REDIC1: variants seen among roughly 807,000 people sequenced by gnomAD.
REDIC1 encodes the protein regulator of DNA class I crossover intermediates 1.
At chr12:39,873,057 T>C in the REDIC1 span, among the ~76,000 whole-genome samples, 2 of 152,240 alleles carry the variant, frequency 1.3e-5, no homozygotes, top group East Asian at 3.8e-4. Flanking sequence ...CAATGGCTTC[T>C]GTCTACTATT....
the REDIC1 span, among the ~76,000 whole-genome samples, chr12:39,903,832 G>A: frequency 6.6e-6 from 1 of 152,068 alleles, no homozygotes; most frequent in African/African-American, 2.4e-5. Context: ...AAACTAATGG[G>A]TAGGAAAAGA....
chr12:39,869,040 G>C, the REDIC1 span, among the ~76,000 whole-genome samples: 1 of 152,014 alleles, frequency 6.6e-6, no homozygotes, highest in African/African-American at 2.4e-5. Context: ...TGAATCAAAG[G>C]TTAAAAATTC....
At chr12:39,673,920 A>C in the REDIC1 span, among the ~76,000 whole-genome samples, 1 of 152,200 alleles carries the variant, frequency 6.6e-6, no homozygotes, top group Non-Finnish European at 1.5e-5. Flanking sequence ...GGACACATTA[A>C]ATATTTGTTG....
chr12:39,725,880 T>G, the REDIC1 span, among the ~76,000 whole-genome samples: 1 of 151,310 alleles, frequency 6.6e-6, no homozygotes, highest in East Asian at 1.9e-4. Flanking sequence ...GTCTGAGGGG[T>G]GTGTGTGTGT....
chr12:39,901,022 A>G, the REDIC1 span, among the ~76,000 whole-genome samples: 1 of 152,214 alleles, frequency 6.6e-6, no homozygotes, highest in Non-Finnish European at 1.5e-5. Context: ...CAGAGCCCTC[A>G]GAAATAACAC....
the REDIC1 span, chr12:39,757,648 A>T: frequency 6.6e-6 from 1 of 152,018 alleles, no homozygotes; most frequent in Non-Finnish European, 1.5e-5. Context: ...AGTCCTTTAA[A>T]GTAGGGGCTC....
At chr12:39,692,275 T>A in the REDIC1 span, 3 of 619,954 alleles carry the variant, frequency 4.8e-6, no homozygotes, top group Admixed American at 4.2e-5. Flanking sequence ...TACTTTTATA[T>A]TTTATTAAAT....
At chr12:39,777,019 T>C in the REDIC1 span, among the ~76,000 whole-genome samples, 16 of 152,336 alleles carry the variant, frequency 1.1e-4, no homozygotes, top group East Asian at 1.3e-3. Flanking sequence ...GGAGGTAATA[T>C]ATTAATACTT....
At chr12:39,711,201 C>G in the REDIC1 span, among the ~76,000 whole-genome samples, 1 of 150,390 alleles carries the variant, frequency 6.6e-6, no homozygotes. Flanking sequence ...TAATTCCTTC[C>G]TTTTTATGGC....
At chr12:39,883,151 T>G in the REDIC1 span, among the ~76,000 whole-genome samples, 1 of 152,136 alleles carries the variant, frequency 6.6e-6, no homozygotes, top group Admixed American at 6.6e-5. Context: ...TTTAATCTCT[T>G]TAATAATTAT....
At chr12:39,704,021 G>T in the REDIC1 span, among the ~76,000 whole-genome samples, 1 of 151,308 alleles carries the variant, frequency 6.6e-6, no homozygotes, top group Non-Finnish European at 1.5e-5. Context: ...CATGGGCAAG[G>T]TCATGTCTAA....
chr12:39,712,437 CGTATATGTATACATACGTATAT>C, the REDIC1 span, among the ~76,000 whole-genome samples: 5 of 86,666 alleles, frequency 5.8e-5, no homozygotes, highest in East Asian at 1.5e-3. Context: ...TATATACATA[CGTATATGTATACATACGTATAT>C]ATACGTATGT....
chr12:39,653,557 C>CTTCTTCTTCTTCGT, the REDIC1 span, among the ~76,000 whole-genome samples: 2 of 56,228 alleles, frequency 3.6e-5, 1 homozygote, highest in Non-Finnish European at 8.2e-5. Context: ...TCTTCTTCTT[C>CTTCTTCTTCTTCGT]TTTCTTCTTC....
chr12:39,747,529 C>G, the REDIC1 span, among the ~76,000 whole-genome samples: 21 of 152,328 alleles, frequency 1.4e-4, no homozygotes, highest in Middle Eastern at 0.014. Context: ...AGAACTTCCT[C>G]AACCTAGCAA....
the REDIC1 span, among the ~76,000 whole-genome samples, chr12:39,731,278 C>G: frequency 1.3e-5 from 2 of 152,164 alleles, no homozygotes; most frequent in Non-Finnish European, 2.9e-5. Flanking sequence ...GGTTTTTCCT[C>G]ATCTTTGTGG....
At chr12:39,784,185 A>G in the REDIC1 span, among the ~76,000 whole-genome samples, 1 of 152,304 alleles carries the variant, frequency 6.6e-6, no homozygotes, top group East Asian at 1.9e-4. Flanking sequence ...ATCCCCATCA[A>G]GCTACCAATG....
chr12:39,685,791 A>G, the REDIC1 span, among the ~76,000 whole-genome samples: 3 of 152,238 alleles, frequency 2.0e-5, no homozygotes, highest in African/African-American at 7.2e-5. Context: ...AGCCTGTAAA[A>G]TCAAAAATAA....
At chr12:39,712,412 GTATATACATACGTA>G in the REDIC1 span, among the ~76,000 whole-genome samples, 15 of 121,926 alleles carry the variant, frequency 1.2e-4, no homozygotes, top group African/African-American at 3.8e-4. Flanking sequence ...ATATACATAC[GTATATACATACGTA>G]TATATACATA....
At chr12:39,826,854 ATTTTTTT>A in the REDIC1 span, among the ~76,000 whole-genome samples, 1 of 67,416 alleles carries the variant, frequency 1.5e-5, no homozygotes, top group Non-Finnish European at 2.5e-5. Flanking sequence ...GTCTCTTTCA[ATTTTTTT>A]TTTTTTTTTT....
Sources: gnomAD v4.1 joint callset for allele counts (sites outside exome capture counted in the v4.1 genomes callset) on GRCh38, gnomAD v4.1.1 for gene constraint, MANE v1.5 for transcripts, NCBI Gene and HGNC (gene_info 2026-07-23, HGNC 2026-07-21) for gene names.